Variants in RTL4 observed in about 807,000 individuals in gnomAD.
RTL4 encodes retrotransposon Gag-like protein 4.
RTL4 carries 4 observed loss-of-function variants against 5.3 expected under a neutral mutation model. The observed-to-expected ratio is 0.75, with a 90% CI of 0.37 to 1.72. RTL4 has a LOEUF of 1.72. RTL4 is among the 40% of genes most tolerant of loss of function. The pLI, the probability that RTL4 is intolerant of heterozygous loss-of-function variation, is 0.04. For missense variants in RTL4, 260 were observed against 227.1 expected (o/e 1.14, Z -0.93); for synonymous variants, 98 against 87.3 (o/e 1.12, Z -0.68).
At chrX:112,426,888 T>C in the RTL4 span, among the ~76,000 whole-genome samples, 1 of 110,614 alleles carries the variant, frequency 9.0e-6, no homozygotes, top group African/African-American at 3.3e-5. Context: ...CAAAACAAAA[T>C]GAAATGAAAT....
the RTL4 span, among the ~76,000 whole-genome samples, chrX:112,368,188 G>A: frequency 9.0e-6 from 1 of 111,699 alleles, no homozygotes; most frequent in South Asian, 3.7e-4. Flanking sequence ...TTGGGTGGCT[G>A]TTTTAGTGAT....
the RTL4 span, among the ~76,000 whole-genome samples, chrX:112,415,830 T>A: frequency 0.034 from 3,751 of 111,468 alleles, 60 homozygotes; most frequent in African/African-American, 0.046. Flanking sequence ...GGTTAGAAAA[T>A]GACAGAACCA....
the RTL4 span, among the ~76,000 whole-genome samples, chrX:112,384,441 C>T: frequency 5.4e-5 from 6 of 111,674 alleles, no homozygotes; most frequent in African/African-American, 1.6e-4. Flanking sequence ...GCTAGTTTTC[C>T]CAGCACCATT....
the RTL4 span, among the ~76,000 whole-genome samples, chrX:112,330,869 T>C: frequency 9.0e-6 from 1 of 111,196 alleles, no homozygotes; most frequent in Non-Finnish European, 1.9e-5. Context: ...TACAACTATC[T>C]GATCTTTGAC....
chrX:112,180,840 C>A, the RTL4 span, among the ~76,000 whole-genome samples: 4 of 112,516 alleles, frequency 3.6e-5, no homozygotes, highest in Non-Finnish European at 7.5e-5. Context: ...GCTACATGAA[C>A]TTCTCACTTG....
At chrX:112,457,267 A>C (rs990986164), downstream of RTL4, among the ~76,000 whole-genome samples, 3 of 112,141 alleles carry the variant, frequency 2.7e-5, no homozygotes, top group African/African-American at 9.7e-5. Context: ...CCACTGTAAC[A>C]ATTCTTATTT....
the RTL4 span, among the ~76,000 whole-genome samples, chrX:112,163,281 T>G: frequency 8.9e-6 from 1 of 112,238 alleles, no homozygotes; most frequent in South Asian, 3.8e-4. Context: ...TTCCTAAGGC[T>G]TACTATCCTT....
chrX:112,383,543 A>G, the RTL4 span, among the ~76,000 whole-genome samples: 1 of 112,206 alleles, frequency 8.9e-6, no homozygotes, highest in Non-Finnish European at 1.9e-5. Flanking sequence ...TTAAATAAAA[A>G]CATTTATCCA....
chrX:112,383,022 G>A, the RTL4 span, among the ~76,000 whole-genome samples: 3 of 111,555 alleles, frequency 2.7e-5, no homozygotes, highest in Non-Finnish European at 5.7e-5. Context: ...AAGTGCCATC[G>A]ATTTCCCTAG....
At chrX:112,195,319 G>A in the RTL4 span, among the ~76,000 whole-genome samples, 1 of 112,012 alleles carries the variant, frequency 8.9e-6, no homozygotes, top group Non-Finnish European at 1.9e-5. Context: ...AAATGTTCAG[G>A]TCTATGAATT....
the RTL4 span, among the ~76,000 whole-genome samples, chrX:112,216,619 A>G: frequency 0.037 from 4,095 of 111,411 alleles, 67 homozygotes; most frequent in Middle Eastern, 0.074. Context: ...CTTTTCTTCT[A>G]CTTTCTTTGC....
the RTL4 span, among the ~76,000 whole-genome samples, chrX:112,086,780 G>T: frequency 8.9e-6 from 1 of 112,049 alleles, no homozygotes; most frequent in Non-Finnish European, 1.9e-5. Flanking sequence ...ACATTATGAT[G>T]CTATTGCCAA....
the RTL4 span, among the ~76,000 whole-genome samples, chrX:112,226,974 T>TAAATAAAATAAAACAAAAC: frequency 1.6e-5 from 1 of 64,345 alleles, no homozygotes; most frequent in African/African-American, 5.4e-5. Context: ...AATAAAATAA[T>TAAATAAAATAAAACAAAAC]AAAATAAAAT....
the RTL4 span, among the ~76,000 whole-genome samples, chrX:112,365,098 A>G: frequency 9.0e-6 from 1 of 111,174 alleles, no homozygotes; most frequent in Non-Finnish European, 1.9e-5. Flanking sequence ...ATAGGGAAAA[A>G]GAAAGCCTTT....
the RTL4 span, among the ~76,000 whole-genome samples, chrX:112,194,324 T>C: frequency 9.0e-6 from 1 of 111,145 alleles, no homozygotes; most frequent in Non-Finnish European, 1.9e-5. Flanking sequence ...TGAGTGGTAA[T>C]TAGGGTTAGA....
At chrX:112,169,305 G>A in the RTL4 span, among the ~76,000 whole-genome samples, 1 of 108,226 alleles carries the variant, frequency 9.2e-6, no homozygotes, top group Non-Finnish European at 1.9e-5. Flanking sequence ...GTAGAGACGG[G>A]GTTTCTCCAT....
At chrX:112,282,188 A>T in the RTL4 span, among the ~76,000 whole-genome samples, 1 of 112,018 alleles carries the variant, frequency 8.9e-6, no homozygotes. Flanking sequence ...GTGTAATTTC[A>T]TTCTTCTTCA....
At chrX:112,117,041 C>T in the RTL4 span, among the ~76,000 whole-genome samples, 1 of 111,363 alleles carries the variant, frequency 9.0e-6, no homozygotes, top group South Asian at 3.8e-4. Context: ...TTTGTAATCT[C>T]AGGATGGATA....
At chrX:112,456,838 C>A (rs1362963158) in exon 1 of RTL4, 2 of 124,390 alleles carry the variant, frequency 1.6e-5, no homozygotes, top group African/African-American at 6.5e-5. Context: ...TACATTAAAA[C>A]CATTTGTGCA....
Sources: allele counts gnomAD v4.1 joint callset (sites outside exome capture counted in the v4.1 genomes callset), GRCh38; gene constraint gnomAD v4.1.1; transcripts MANE v1.5; gene names NCBI Gene and HGNC (gene_info 2026-07-23, HGNC 2026-07-21).